Variants in FARP1 observed in about 807,000 individuals in gnomAD.
The protein encoded by FARP1 is FERM, ARH/RhoGEF and pleckstrin domain protein 1, also known as FERM, ARHGEF and pleckstrin domain-containing protein 1.
Under a neutral mutation model 128.8 loss-of-function variants are expected in FARP1, and 52 were observed. The observed-to-expected ratio is 0.40, with a 90% CI of 0.32 to 0.51. FARP1 has a LOEUF of 0.51. FARP1 is among the 20% of genes least tolerant of loss of function. FARP1 has a pLI of 0.45. For synonymous variants in FARP1, 580 were observed against 551.8 expected (o/e 1.05, Z -0.72); for missense variants, 1,333 against 1,367.9 (o/e 0.97, Z 0.40).
chr13:98,411,640 A>G (rs1891198215), intron 15 of FARP1, among the ~76,000 whole-genome samples: 1 of 152,230 alleles, frequency 6.6e-6, no homozygotes, highest in South Asian at 2.1e-4. Flanking sequence ...CCCATTTAAG[A>G]GATTTCTCCT....
At chr13:98,435,760 G>T (rs767879784) in intron 19 of FARP1, 54 bp downstream of exon 19, 2 of 1,586,480 alleles carry the variant, frequency 1.3e-6, no homozygotes, top group Admixed American at 1.7e-5. Context: ...AGGAGGCATC[G>T]GAGGGACTTA....
intron 18 of FARP1, chr13:98,432,114 G>GT (rs1248112891): frequency 6.6e-6 from 1 of 152,256 alleles, no homozygotes. Flanking sequence ...GACTAGAGAG[G>GT]TTAAGGAACC....
At position 98,337,538 on chromosome 13, in the gene FARP1, C is replaced by CGTGTGTGTGT. The variant is rs60625244; in HGVS notation, c.172-6183_172-6174dup. The stretch of plus-strand genomic sequence containing the variant: ...TCTTGTGTATAGTAGTCTGTGTAGC[C>CGTGTGTGTGT]GTGTGTGTGTGTGTGTGTGTGTGTG... On this transcript the variant is annotated intron_variant, in intron 2 of 26. Coordinates refer to ENST00000319562, the MANE Select transcript of FARP1 (RefSeq NM_005766.4). 9.0e-3 allele frequency among the ~76,000 whole-genome samples: 1,186 copies of CGTGTGTGTGT among 132,068 alleles called. 22 individuals are homozygous for CGTGTGTGTGT. Among genetic ancestry groups the CGTGTGTGTGT allele is most frequent in the East Asian group, 0.053 (212 of 4,014 alleles). 86.6% of individuals were successfully genotyped at this position (132,068 alleles called of 152,430 possible).
chr13:98,325,393 C>G (rs892453768), intron 2 of FARP1, among the ~76,000 whole-genome samples: 2 of 152,080 alleles, frequency 1.3e-5, no homozygotes, highest in Non-Finnish European at 2.9e-5. Context: ...ATCATCTGTA[C>G]GACACTGCTG....
intron 1 of FARP1, among the ~76,000 whole-genome samples, chr13:98,178,166 G>A (rs1878233225): frequency 6.6e-6 from 1 of 150,850 alleles, no homozygotes; most frequent in African/African-American, 2.4e-5. Context: ...GCCAATTCCT[G>A]GTACCTAAGA....
At chr13:98,438,661 C>G in intron 19 of FARP1, 143 bp from the exon 20 acceptor site, 2 of 647,778 alleles carry the variant, frequency 3.1e-6, no homozygotes, top group Non-Finnish European at 2.8e-6. Flanking sequence ...TAGGTTTGCA[C>G]GCTCGCAGTC....
intron 2 of FARP1, among the ~76,000 whole-genome samples, chr13:98,306,474 G>C (rs922353647): frequency 6.6e-6 from 1 of 152,050 alleles, no homozygotes; most frequent in African/African-American, 2.4e-5. Flanking sequence ...TAGAATTCAG[G>C]CCCAGGCCTT....
At chr13:98,201,348 G>T (rs2139270545) in intron 1 of FARP1, among the ~76,000 whole-genome samples, 1 of 152,322 alleles carries the variant, frequency 6.6e-6, no homozygotes, top group Non-Finnish European at 1.5e-5. Context: ...GGCTGAACGG[G>T]GGAGGAACGC....
intron 2 of FARP1, among the ~76,000 whole-genome samples, chr13:98,256,116 A>G (rs1186310906): frequency 6.6e-6 from 1 of 152,232 alleles, no homozygotes; most frequent in Admixed American, 6.5e-5. Context: ...ATGCCCATCC[A>G]AAGATGTTCG....
At chr13:98,423,297 C>T (rs4772077) in intron 16 of FARP1, among the ~76,000 whole-genome samples, 104,955 of 152,054 alleles carry the variant, frequency 0.69, 37,039 homozygotes, top group Non-Finnish European at 0.77. Context: ...AGTTGACACT[C>T]GATATTAACC....
intron 2 of FARP1, among the ~76,000 whole-genome samples, chr13:98,318,950 G>GTTTTTTTTTTTTTTTTTT (rs56166470): frequency 8.1e-4 from 98 of 120,632 alleles, no homozygotes; most frequent in East Asian, 1.6e-3. Context: ...GTTTTTTCTT[G>GTTTTTTTTTTTTTTTTTT]TTTTTTTTTT....
intron 11 of FARP1, 109 bp from the exon 12 acceptor site, chr13:98,393,534 G>A (rs1235861483): frequency 2.6e-6 from 2 of 784,130 alleles, no homozygotes; most frequent in African/African-American, 3.4e-5. Flanking sequence ...CATCATTATT[G>A]AGGAAGGCAC....
intron 1 of FARP1, among the ~76,000 whole-genome samples, chr13:98,195,488 G>A (rs542138272): frequency 1.3e-5 from 2 of 152,282 alleles, no homozygotes; most frequent in South Asian, 4.1e-4. Flanking sequence ...AGGGCAGTGA[G>A]TTTGCATGTG....
At chr13:98,422,992 G>A (rs1891647993) in intron 16 of FARP1, among the ~76,000 whole-genome samples, 1 of 152,228 alleles carries the variant, frequency 6.6e-6, no homozygotes, top group South Asian at 2.1e-4. Flanking sequence ...TGCAAGCTGA[G>A]GAGCAAGGAG....
intron 9 of FARP1, among the ~76,000 whole-genome samples, 165 bp downstream of exon 9, chr13:98,388,643 A>G (rs890270792): frequency 2.6e-5 from 4 of 152,224 alleles, no homozygotes; most frequent in African/African-American, 9.6e-5. Context: ...AGATGTATCC[A>G]AATGGTCGGT....
At chr13:98,383,192 C>G (rs1167435650) in intron 6 of FARP1, among the ~76,000 whole-genome samples, 1 of 152,082 alleles carries the variant, frequency 6.6e-6, no homozygotes, top group Non-Finnish European at 1.5e-5. Context: ...CCTTGAGAAC[C>G]AGATAGAAGG....
In FARP1 at chr13:98,168,954, A is replaced by G. The variant is rs576959257; in HGVS notation, c.-24+25462A>G. ...TGTTTAACTCAATGTTGGTGTGTAT[A>G]TCATTATGACTGTGTGGACTTGTTC... On this transcript the variant is annotated intron_variant, in intron 1 of 26. Transcript: ENST00000319562. Among the ~76,000 whole-genome samples the G allele has an allele frequency of 2.0e-4, 31 of 152,322 alleles. No homozygotes were observed. The South Asian group carries it at 6.4e-3, about 32-fold the overall frequency.
chr13:98,356,013 T>C (rs1888621223), intron 3 of FARP1, among the ~76,000 whole-genome samples: 1 of 152,216 alleles, frequency 6.6e-6, no homozygotes, highest in African/African-American at 2.4e-5. Context: ...ACTTGTTTTA[T>C]GGTCCCGAAT....
At chr13:98,281,903 G>A (rs577891905) in intron 2 of FARP1, among the ~76,000 whole-genome samples, 4 of 152,306 alleles carry the variant, frequency 2.6e-5, no homozygotes, top group Admixed American at 2.6e-4. Context: ...TTTTAAGGCA[G>A]ATGTGAAATT....
Sources: gnomAD v4.1 joint callset for allele counts (sites outside exome capture counted in the v4.1 genomes callset) on GRCh38, gnomAD v4.1.1 for gene constraint, MANE v1.5 for transcripts, NCBI Gene and HGNC (gene_info 2026-07-23, HGNC 2026-07-21) for gene names.